Variants in PRKN observed in about 807,000 individuals in gnomAD.
The protein encoded by PRKN is E3 ubiquitin-protein ligase parkin.
A neutral mutation model predicts 59.5 loss-of-function variants in PRKN; 56 were observed. The ratio of observed to expected loss-of-function variants is 0.94; its 90% CI spans 0.76 to 1.18. The LOEUF (loss-of-function observed/expected upper bound fraction) is 1.18. Among genes scored for constraint, PRKN ranks in the 50% most tolerant of loss-of-function variants. The pLI, the probability that PRKN is intolerant of heterozygous loss-of-function variation, is 0.00. For missense variants in PRKN, 657 were observed against 596.4 expected, an observed-to-expected ratio of 1.10 and a Z score of -1.06; for synonymous variants, 250 against 222.1, an observed-to-expected ratio of 1.13 and a Z score of -1.12.
chr6:162,655,441 A>T (rs1489891589), intron 1 of PRKN, among the ~76,000 whole-genome samples: 7 of 152,194 alleles, frequency 4.6e-5, no homozygotes. Context: ...TTATTTTTTT[A>T]AGCGTATATA....
At chr6:162,029,143 C>T (rs1027174446) in intron 5 of PRKN, among the ~76,000 whole-genome samples, 1 of 152,146 alleles carries the variant, frequency 6.6e-6, no homozygotes, top group Non-Finnish European at 1.5e-5. Context: ...TCTCCCTGCA[C>T]TTCAGAATCA....
At chr6:162,101,627 G>A (rs923484808) in intron 4 of PRKN, among the ~76,000 whole-genome samples, 19 of 151,864 alleles carry the variant, frequency 1.3e-4, no homozygotes, top group Non-Finnish European at 2.1e-4. Flanking sequence ...AGCCGAGATC[G>A]TGCCACTGCA....
At chr6:162,473,024 A>G (rs1357080429) in intron 1 of PRKN, among the ~76,000 whole-genome samples, 2 of 151,940 alleles carry the variant, frequency 1.3e-5, no homozygotes, top group African/African-American at 2.4e-5. Flanking sequence ...TTTCCTACTC[A>G]GGTCCTTCAA....
rs1165952659 is a variant in PRKN, at chr6:161,395,876, G to T, written c.1084-8999C>A. ...TGATGGGCCTGAATCTGGCCCGCCT[G>T]CCAGGAAAGGACTTGTAATGAATTT... On this transcript the variant is annotated intron_variant, in intron 9 of 11. Transcript: ENST00000366898. The surrounding 1 kb of genome is among the most constrained non-coding windows in gnomAD (Gnocchi z 5.0). 6.6e-6 allele frequency among the ~76,000 whole-genome samples: 1 copy of T among 152,200 alleles called. No individual in the cohort carries two copies. Among genetic ancestry groups the T allele is most frequent in the Non-Finnish European group, 1.5e-5 (1 of 68,050 alleles).
At position 161,498,505 on chromosome 6, in the gene PRKN, T is replaced by A. The variant is rs149475291; in HGVS notation, c.1083+50349A>T. ...AGCTTGTGGGAAGGGTGTGCTGTCC[T>A]AACCCAGTTAGATGTCGTCAAATGC... On this transcript the variant is annotated intron_variant, in intron 9 of 11. Transcript: ENST00000366898. The surrounding 1 kb of genome is among the most constrained non-coding windows in gnomAD (Gnocchi z 4.2). Among the ~76,000 whole-genome samples the A allele has an allele frequency of 8.3e-4, 127 of 152,290 alleles. No individual in the cohort carries two copies. Among genetic ancestry groups the A allele is most frequent in the African/African-American group, 3.0e-3 (123 of 41,558 alleles).
rs1007059834 is a variant in PRKN, at chr6:161,774,402, A to G, written c.871+11370T>C. ...CCTGAGCACACACACACACACACAC[A>G]CACACACACACACACACACACACAC... On this transcript the variant is annotated intron_variant, in intron 7 of 11. Coordinates refer to ENST00000366898, the MANE Select transcript of PRKN (RefSeq NM_004562.3). Among the ~76,000 whole-genome samples, 242 of 108,916 alleles carry G rather than the reference A, an allele frequency of 2.2e-3. 3 individuals are homozygous for G. The highest frequency in any genetic ancestry group is 0.022 in the East Asian group (73 of 3,346). 71.5% of individuals were successfully genotyped at this position (108,916 alleles called of 152,430 possible).
intron 7 of PRKN, among the ~76,000 whole-genome samples, chr6:161,583,941 AC>A (rs1301524391): frequency 2.6e-5 from 4 of 152,214 alleles, no homozygotes; most frequent in African/African-American, 4.8e-5. Flanking sequence ...AAGTGCGACT[AC>A]CACCGGGTTA....
chr6:162,488,886 A>G (rs1163102892), intron 1 of PRKN, among the ~76,000 whole-genome samples: 2 of 152,164 alleles, frequency 1.3e-5, no homozygotes, highest in Non-Finnish European at 2.9e-5. Context: ...ATATTTAATA[A>G]TCATGCAAAC....
At chr6:162,111,357 C>T (rs981562044) in intron 4 of PRKN, among the ~76,000 whole-genome samples, 4 of 151,896 alleles carry the variant, frequency 2.6e-5, no homozygotes, top group Non-Finnish European at 4.4e-5. Context: ...CCCAGCTACT[C>T]GGGAGGCTGA....
intron 3 of PRKN, among the ~76,000 whole-genome samples, chr6:162,239,061 T>C (rs758958513): frequency 3.9e-4 from 59 of 152,212 alleles, no homozygotes; most frequent in Non-Finnish European, 5.9e-4. Context: ...CTTCTCTGAA[T>C]GTACACTTCA....
chr6:161,444,766 A>G lies in PRKN; in HGVS notation c.1084-57889T>C, dbSNP rs1426032396. On this transcript the variant is annotated intron_variant, in intron 9 of 11. Transcript: ENST00000366898. This position sits in a 1 kb window ranked among gnomAD's most constrained non-coding sequence, Gnocchi z 5.6. The stretch of plus-strand genomic sequence containing the variant: ...TGAAACGGCACTCTTGACATGCTGT[A>G]CGGACAGAATCTTTACATGTCGTTT... 6.6e-6 allele frequency among the ~76,000 whole-genome samples: 1 copy of G among 152,250 alleles called. No individual in the cohort carries two copies.
At chr6:162,558,267 G>A (rs981632833) in intron 1 of PRKN, among the ~76,000 whole-genome samples, 5 of 151,318 alleles carry the variant, frequency 3.3e-5, no homozygotes, top group East Asian at 1.9e-4. Flanking sequence ...AAACTATTCC[G>A]GATTCCCCAT....
At chr6:162,290,500 T>C (rs1274866082) in intron 2 of PRKN, among the ~76,000 whole-genome samples, 2 of 152,184 alleles carry the variant, frequency 1.3e-5, no homozygotes, top group Non-Finnish European at 2.9e-5. Context: ...AAATAATATA[T>C]TCAAATGTCC....
intron 1 of PRKN, among the ~76,000 whole-genome samples, chr6:162,498,393 CTTTTTT>C (rs60024002): frequency 1.9e-4 from 4 of 21,564 alleles, no homozygotes; most frequent in Admixed American, 5.5e-4. Flanking sequence ...TCTTTCTTTC[CTTTTTT>C]TTTTTTTTTT....
intron 3 of PRKN, among the ~76,000 whole-genome samples, chr6:162,249,490 C>T (rs1779337286): frequency 6.6e-6 from 1 of 152,136 alleles, no homozygotes; most frequent in Admixed American, 6.6e-5. Flanking sequence ...GGTTTACTAC[C>T]TGGCTATTAG....
At chr6:162,485,990 T>C (rs1792521475) in intron 1 of PRKN, among the ~76,000 whole-genome samples, 1 of 152,232 alleles carries the variant, frequency 6.6e-6, no homozygotes, top group South Asian at 2.1e-4. Context: ...CACAAATCGC[T>C]AACAAATTAA....
intron 1 of PRKN, among the ~76,000 whole-genome samples, chr6:162,709,164 G>A (rs541338449): frequency 8.5e-5 from 13 of 152,048 alleles, no homozygotes; most frequent in East Asian, 3.9e-4. Context: ...ACACTATGGC[G>A]AATTGTTATT....
At chr6:161,788,896 T>C (rs1790532036) in intron 6 of PRKN, among the ~76,000 whole-genome samples, 1 of 152,204 alleles carries the variant, frequency 6.6e-6, no homozygotes, top group Admixed American at 6.5e-5. Context: ...TATATACAGA[T>C]ATAGATAAAT....
At chr6:161,556,111 T>C (rs1456160321) in intron 8 of PRKN, among the ~76,000 whole-genome samples, 1 of 152,242 alleles carries the variant, frequency 6.6e-6, no homozygotes, top group East Asian at 1.9e-4. Context: ...ACTGCATTCA[T>C]AGTGGTCTCA....
Sources: allele counts gnomAD v4.1 joint callset (sites outside exome capture counted in the v4.1 genomes callset), GRCh38; gene constraint gnomAD v4.1.1; non-coding constraint Gnocchi (gnomAD v3.1); transcripts MANE v1.5; gene names NCBI Gene and HGNC (gene_info 2026-07-23, HGNC 2026-07-21).